GRID2: variants seen among roughly 807,000 people sequenced by gnomAD.
The protein encoded by GRID2 is glutamate receptor ionotropic, delta-2.
Under a neutral mutation model 114.8 loss-of-function variants are expected in GRID2, and 33 were observed. The observed-to-expected ratio is 0.29, with a 90% CI of 0.22 to 0.38. The LOEUF (loss-of-function observed/expected upper bound fraction) is 0.38. GRID2 is among the 10% of genes least tolerant of loss of function. GRID2 has a pLI of 1.00. For synonymous variants in GRID2, 505 were observed against 449.9 expected (o/e 1.12, Z -1.55); for missense variants, 1,184 against 1,257.7 (o/e 0.94, Z 0.89).
intron 2 of GRID2, among the ~76,000 whole-genome samples, chr4:92,828,412 C>G (rs1270761737): frequency 1.3e-5 from 2 of 152,046 alleles, no homozygotes; most frequent in Non-Finnish European, 2.9e-5. Flanking sequence ...AACTGCTTAA[C>G]TTATTTAAGA....
At chr4:92,780,089 A>T (rs1332577925) in intron 2 of GRID2, among the ~76,000 whole-genome samples, 3 of 152,172 alleles carry the variant, frequency 2.0e-5, no homozygotes, top group African/African-American at 7.2e-5. Flanking sequence ...ATCTTTGTGC[A>T]CAAATCACAA....
chr4:93,176,742 G>A (rs1177670282), intron 4 of GRID2, among the ~76,000 whole-genome samples: 2 of 152,046 alleles, frequency 1.3e-5, no homozygotes, highest in African/African-American at 4.8e-5. Flanking sequence ...ATTATTTTTT[G>A]TAGACTCTCT....
chr4:93,502,066 G>A (rs1461877548), intron 12 of GRID2, among the ~76,000 whole-genome samples: 1 of 152,004 alleles, frequency 6.6e-6, no homozygotes, highest in Non-Finnish European at 1.5e-5. Context: ...CATTGTGGAG[G>A]ACATAGTTTG....
intron 2 of GRID2, among the ~76,000 whole-genome samples, chr4:93,024,579 A>C (rs1224114366): frequency 6.6e-6 from 1 of 151,736 alleles, no homozygotes; most frequent in African/African-American, 2.4e-5. Context: ...GCAAAACCTC[A>C]TGTATTTTAC....
At chr4:92,576,636 C>T (rs1045888062) in intron 1 of GRID2, among the ~76,000 whole-genome samples, 3 of 152,302 alleles carry the variant, frequency 2.0e-5, no homozygotes, top group East Asian at 1.9e-4. Context: ...AGCATCTGGT[C>T]TCCTGAGACT....
chr4:93,692,818 A>G (rs1726682304), intron 14 of GRID2, among the ~76,000 whole-genome samples: 1 of 152,074 alleles, frequency 6.6e-6, no homozygotes, highest in African/African-American at 2.4e-5. Context: ...TTTTTTGGTA[A>G]CTACTTACAG....
chr4:92,966,723 C>A (rs927035256), intron 2 of GRID2, among the ~76,000 whole-genome samples: 1 of 151,860 alleles, frequency 6.6e-6, no homozygotes, highest in African/African-American at 2.4e-5. Flanking sequence ...TGTGAGGCCT[C>A]CCCAGACATG....
Position 93,772,129 on chromosome 4 carries a change from C to T in GRID2, c.2655C>T (p.Cys885=). The change falls in exon 16 of 16, where the codon TGC becomes TGT. Residue 885 remains cysteine (C), a synonymous_variant. Coordinates refer to ENST00000282020, the MANE Select transcript of GRID2 (RefSeq NM_001510.4). ...TCCATAGACGTGTAAATAGCTTGTGCACAGATGACGACAGCCCCCATAAAC... is the reference window on the plus strand; with the variant it reads ...TCCATAGACGTGTAAATAGCTTGTGTACAGATGACGACAGCCCCCATAAAC... ...EHLHRRVNSL[C]TDDDSPHKQF... is the part of the protein sequence containing the mutation. 2 of 1,612,170 alleles carry T rather than the reference C, an allele frequency of 1.2e-6. No homozygotes were observed. Among genetic ancestry groups the T allele is most frequent in the Non-Finnish European group, 1.7e-6 (2 of 1,178,380 alleles).
intron 1 of GRID2, among the ~76,000 whole-genome samples, chr4:92,319,853 TAAC>T (rs1360096711): frequency 6.6e-6 from 1 of 152,212 alleles, no homozygotes; most frequent in East Asian, 1.9e-4. Context: ...TCAGGAATAA[TAAC>T]AATAGCTCCC....
At chr4:93,192,808 C>T (rs1024392335) in intron 4 of GRID2, among the ~76,000 whole-genome samples, 4 of 148,516 alleles carry the variant, frequency 2.7e-5, no homozygotes, top group African/African-American at 1.0e-4. Context: ...CCTGAGCTAA[C>T]CACACTGTCA....
chr4:93,190,605 T>C (rs2149446750), intron 4 of GRID2, among the ~76,000 whole-genome samples: 1 of 152,300 alleles, frequency 6.6e-6, no homozygotes, highest in African/African-American at 2.4e-5. Flanking sequence ...AAATGTTTCC[T>C]TTTTAAGTTT....
At chr4:93,210,976 A>C (rs1743398275) in intron 5 of GRID2, among the ~76,000 whole-genome samples, 1 of 152,110 alleles carries the variant, frequency 6.6e-6, no homozygotes, top group African/African-American at 2.4e-5. Context: ...TATTCATGTC[A>C]ATCAACCTTA....
chr4:93,393,674 A>T (rs1765064043), intron 8 of GRID2, among the ~76,000 whole-genome samples: 1 of 152,022 alleles, frequency 6.6e-6, no homozygotes, highest in Non-Finnish European at 1.5e-5. Flanking sequence ...ACTGGAAATT[A>T]TATATTTATA....
At chr4:93,475,557 C>G (rs1725242462) in intron 11 of GRID2, among the ~76,000 whole-genome samples, 1 of 152,062 alleles carries the variant, frequency 6.6e-6, no homozygotes, top group African/African-American at 2.4e-5. Context: ...GCTCTTTTAT[C>G]ATTAAAACTG....
At chr4:93,046,055 C>T (rs955024370) in intron 2 of GRID2, among the ~76,000 whole-genome samples, 34 of 152,162 alleles carry the variant, frequency 2.2e-4, no homozygotes, top group African/African-American at 7.5e-4. Flanking sequence ...GCTTGGAAGT[C>T]TCCTAGAATA....
At chr4:93,178,264 G>T (rs35408803) in intron 4 of GRID2, among the ~76,000 whole-genome samples, 2 of 151,140 alleles carry the variant, frequency 1.3e-5, no homozygotes, top group Admixed American at 1.3e-4. Flanking sequence ...GGTTACCACA[G>T]CAGTGTCACG....
intron 8 of GRID2, among the ~76,000 whole-genome samples, chr4:93,355,130 C>T (rs960775039): frequency 2.0e-5 from 3 of 151,866 alleles, no homozygotes; most frequent in African/African-American, 7.3e-5. Flanking sequence ...TTTCTCCTCT[C>T]CTCAACATTC....
intron 5 of GRID2, 74 bp from the exon 6 acceptor site, chr4:93,216,664 T>C (rs1744247387): frequency 9.5e-6 from 9 of 945,818 alleles, no homozygotes; most frequent in Middle Eastern, 2.2e-4. Flanking sequence ...CATTTACAGA[T>C]AACAACTCAT....
intron 3 of GRID2, among the ~76,000 whole-genome samples, chr4:93,105,506 A>G (rs1401308423): frequency 6.6e-6 from 1 of 152,154 alleles, no homozygotes; most frequent in Non-Finnish European, 1.5e-5. Context: ...GAAGGGATCC[A>G]GTTTCAGCTT....
Sources: gnomAD v4.1 joint callset for allele counts (sites outside exome capture counted in the v4.1 genomes callset) on GRCh38, gnomAD v4.1.1 for gene constraint, MANE v1.5 for transcripts, NCBI Gene and HGNC (gene_info 2026-07-23, HGNC 2026-07-21) for gene names.